The following MGAT4C variants were observed in gnomAD, a reference collection of about 807,000 sequenced individuals.
The protein encoded by MGAT4C is MGAT4 family member C.
MGAT4C carries 19 observed loss-of-function variants against 40.1 expected under a neutral mutation model. The observed-to-expected ratio is 0.47, with a 90% confidence interval of 0.33 to 0.70. The LOEUF (loss-of-function observed/expected upper bound fraction) is 0.70, where lower values mean the gene tolerates loss of function less well. MGAT4C is among the 30% of genes least tolerant of loss of function. The pLI, the probability that MGAT4C is intolerant of heterozygous loss-of-function variation, is 0.02. For synonymous variants in MGAT4C, 181 were observed against 187.1 expected, an observed-to-expected ratio of 0.97 and a Z score of 0.27; for missense variants, 491 against 563.2, an observed-to-expected ratio of 0.87 and a Z score of 1.30.
chr12:86,287,867 T>C (rs888417568), intron 4 of MGAT4C, among the ~76,000 whole-genome samples: 4 of 152,216 alleles, frequency 2.6e-5, no homozygotes, highest in African/African-American at 9.7e-5. Flanking sequence ...ATATACCCAG[T>C]AATGGGATTG....
At chr12:86,391,664 C>T (rs1428371575) in intron 3 of MGAT4C, among the ~76,000 whole-genome samples, 1 of 152,064 alleles carries the variant, frequency 6.6e-6, no homozygotes, top group African/African-American at 2.4e-5. Flanking sequence ...CGAGACCATC[C>T]TGACTAACAT....
At chr12:86,709,891 T>G (rs1950528413) in intron 2 of MGAT4C, among the ~76,000 whole-genome samples, 1 of 152,188 alleles carries the variant, frequency 6.6e-6, no homozygotes. Flanking sequence ...TTGGATGGCA[T>G]AAAATTCTTG....
At chr12:86,323,807 A>C (rs12297686) in intron 4 of MGAT4C, among the ~76,000 whole-genome samples, 2,094 of 152,032 alleles carry the variant, frequency 0.014, 62 homozygotes, top group African/African-American at 0.048. Context: ...GACAATTCCT[A>C]TTATCGCAAT....
intron 4 of MGAT4C, among the ~76,000 whole-genome samples, chr12:86,305,954 T>C (rs1175785344): frequency 6.6e-6 from 1 of 150,594 alleles, no homozygotes; most frequent in Non-Finnish European, 1.5e-5. Flanking sequence ...TTTACCCATC[T>C]TTAAAAGAAA....
At chr12:86,833,762 GTTTGT>G (rs1302651101) in intron 1 of MGAT4C, among the ~76,000 whole-genome samples, 3 of 151,770 alleles carry the variant, frequency 2.0e-5, no homozygotes, top group African/African-American at 7.3e-5. Context: ...TTTTTTGTTT[GTTTGT>G]TTTGTTTGTT....
chr12:86,297,629 A>C (rs528923953), intron 4 of MGAT4C, among the ~76,000 whole-genome samples: 1 of 152,300 alleles, frequency 6.6e-6, no homozygotes, highest in African/African-American at 2.4e-5. Flanking sequence ...AAAAACTCTA[A>C]GAAACCAGGA....
chr12:86,181,996 TAAC>T (rs1282768261), intron 1 of MGAT4C, among the ~76,000 whole-genome samples: 1 of 152,104 alleles, frequency 6.6e-6, no homozygotes, highest in Non-Finnish European at 1.5e-5. Flanking sequence ...TAAATGCTAA[TAAC>T]ACTCTATCTA....
intron 2 of MGAT4C, among the ~76,000 whole-genome samples, chr12:86,502,605 TTATATATATATG>T (rs1030884818): frequency 2.4e-4 from 19 of 77,888 alleles, no homozygotes; most frequent in Non-Finnish European, 5.5e-4. Flanking sequence ...GAGGGTGAAG[TTATATATATATG>T]TATATATATA....
rs35262458 is a variant in MGAT4C at position 86,602,883 on chromosome 12, C to CGTGTGTGTGT, written c.-229+124316_-229+124325dup. Among the ~76,000 whole-genome samples the CGTGTGTGTGT allele has an allele frequency of 5.5e-3, 810 of 147,676 alleles. 8 individuals carry two copies. Among genetic ancestry groups the CGTGTGTGTGT allele is most frequent in the African/African-American group, 0.019 (754 of 40,132 alleles). ...AGTATCTCAAACACCTGCCCATCTG[C>CGTGTGTGTGT]GTGTGTGTGTGTGTGTGTGTGTGTG... On this transcript the variant is annotated intron_variant, in intron 2 of 7. Coordinates refer to the MGAT4C transcript ENST00000548651.
In MGAT4C at chr12:86,491,004, C is replaced by T. The variant is rs554087632; in HGVS notation, c.-228-55739G>A. On this transcript the variant is annotated intron_variant, in intron 2 of 7. Transcript: ENST00000548651. ...CCACTGTCAACATTAGACAGATCAA[C>T]GAGACAGAAAGTTAACAAGGATACC... Among the ~76,000 whole-genome samples the T allele has an allele frequency of 2.6e-3, 391 of 152,160 alleles. 3 individuals are homozygous for T. Among genetic ancestry groups the T allele is most frequent in the South Asian group, 4.2e-3 (20 of 4,818 alleles).
upstream of MGAT4C, among the ~76,000 whole-genome samples, chr12:86,257,531 G>A (rs1952556984): frequency 6.6e-6 from 1 of 152,168 alleles, no homozygotes; most frequent in Non-Finnish European, 1.5e-5. Context: ...CCCAACTTTA[G>A]GGAAAGGAAA....
intron 1 of MGAT4C, among the ~76,000 whole-genome samples, chr12:86,197,256 A>G (rs1949851005): frequency 6.6e-6 from 1 of 152,236 alleles, no homozygotes; most frequent in Non-Finnish European, 1.5e-5. Flanking sequence ...TGTTTAGGAT[A>G]ATATAAGTAT....
intron 1 of MGAT4C, among the ~76,000 whole-genome samples, chr12:86,810,239 CTTG>C (rs1371841470): frequency 4.0e-5 from 6 of 151,724 alleles, no homozygotes; most frequent in Admixed American, 3.3e-4. Flanking sequence ...GGGAATTTGA[CTTG>C]TTGTGATTTC....
intron 1 of MGAT4C, among the ~76,000 whole-genome samples, chr12:86,164,599 CAT>C (rs1372226203): frequency 6.6e-6 from 1 of 152,054 alleles, no homozygotes; most frequent in African/African-American, 2.4e-5. Context: ...TTTATGAGCA[CAT>C]GTTAGGGATG....
At chr12:86,255,918 G>A (rs952174764) in intron 1 of MGAT4C, among the ~76,000 whole-genome samples, 7 of 152,068 alleles carry the variant, frequency 4.6e-5, no homozygotes, top group African/African-American at 1.4e-4. Context: ...GAGAAATGAT[G>A]CAGAATGATA....
intron 1 of MGAT4C, among the ~76,000 whole-genome samples, chr12:86,808,628 C>T (rs1026694846): frequency 4.6e-5 from 7 of 151,684 alleles, no homozygotes; most frequent in African/African-American, 1.7e-4. Flanking sequence ...AGAAACATAC[C>T]TCAATATAAT....
At chr12:86,081,204 G>C (rs1388139304) in intron 1 of MGAT4C, among the ~76,000 whole-genome samples, 1 of 152,114 alleles carries the variant, frequency 6.6e-6, no homozygotes, top group African/African-American at 2.4e-5. Flanking sequence ...AACAGTTCCT[G>C]AATAGTGAAT....
intron 2 of MGAT4C, among the ~76,000 whole-genome samples, chr12:86,595,191 T>A (rs1324071701): frequency 1.3e-5 from 2 of 152,174 alleles, no homozygotes; most frequent in Admixed American, 6.6e-5. Flanking sequence ...TGTGGATTAC[T>A]CTTTAAGTAG....
intron 1 of MGAT4C, among the ~76,000 whole-genome samples, chr12:86,223,777 A>G (rs1402147529): frequency 1.3e-5 from 2 of 152,116 alleles, no homozygotes; most frequent in Non-Finnish European, 2.9e-5. Flanking sequence ...CACTCCTTCT[A>G]AGGTCTGAGG....
Sources: allele counts gnomAD v4.1 joint callset (sites outside exome capture counted in the v4.1 genomes callset), GRCh38; gene constraint gnomAD v4.1.1; transcripts MANE v1.5; gene names NCBI Gene and HGNC (gene_info 2026-07-23, HGNC 2026-07-21).